Variants in NFYC observed in about 807,000 individuals in gnomAD.
The protein encoded by NFYC is CAAT box DNA-binding protein subunit C.
In NFYC, 25 loss-of-function variants were observed where a neutral mutation model predicts 53.1. The observed-to-expected ratio is 0.47, with a 90% CI of 0.34 to 0.66. The LOEUF (loss-of-function observed/expected upper bound fraction) is 0.66. NFYC is among the 30% of genes least tolerant of loss of function. NFYC has a pLI of 0.01. For synonymous variants in NFYC, 145 were observed against 152.6 expected (o/e 0.95, Z 0.37); for missense variants, 260 against 422.7 (o/e 0.62, Z 3.38).
At chr1:40,769,138 G>A (rs1646964366) in intron 8 of NFYC, 3 of 546,094 alleles carry the variant, frequency 5.5e-6, no homozygotes, top group Non-Finnish European at 1.0e-5. Flanking sequence ...TCTATTATGT[G>A]CTCCAGGATT....
intron 1 of NFYC, among the ~76,000 whole-genome samples, chr1:40,701,575 C>T (rs933467796): frequency 9.9e-5 from 15 of 152,222 alleles, no homozygotes; most frequent in Non-Finnish European, 2.2e-4. Flanking sequence ...CAGCCTAAAA[C>T]TTACGTAAGC....
At chr1:40,737,042 A>T (rs1645063776) in intron 1 of NFYC, among the ~76,000 whole-genome samples, 1 of 150,046 alleles carries the variant, frequency 6.7e-6, no homozygotes, top group South Asian at 2.1e-4. Flanking sequence ...CAGGAGAATC[A>T]CATGAACCTG....
chr1:40,747,980 C>T (rs138596086), intron 3 of NFYC, among the ~76,000 whole-genome samples: 3,875 of 151,800 alleles, frequency 0.026, 182 homozygotes, highest in African/African-American at 0.088. Context: ...GGATTACAGG[C>T]GCCCGCCACC....
intron 2 of NFYC, among the ~76,000 whole-genome samples, chr1:40,743,355 C>G (rs1162205164): frequency 6.6e-6 from 1 of 152,242 alleles, no homozygotes; most frequent in Non-Finnish European, 1.5e-5. Context: ...TATTCCCGCA[C>G]AGCAGAGCTC....
chr1:40,767,023 G>A (rs533940087), intron 8 of NFYC: 49 of 1,518,104 alleles, frequency 3.2e-5, no homozygotes, highest in South Asian at 7.2e-5. Flanking sequence ...TCGCCTGATC[G>A]TCAGGCTGTT....
chr1:40,692,139 GT>G (rs1444365055), intron 1 of NFYC: 1 of 192,566 alleles, frequency 5.2e-6, no homozygotes, highest in Non-Finnish European at 1.1e-5. Flanking sequence ...CTCGTGATTG[GT>G]CGGTGGCGGG....
intron 3 of NFYC, among the ~76,000 whole-genome samples, chr1:40,748,594 G>T (rs1645744360): frequency 6.6e-6 from 1 of 152,130 alleles, no homozygotes; most frequent in Non-Finnish European, 1.5e-5. Context: ...TGATCTATGA[G>T]TTTCTTTTAC....
At chr1:40,706,035 C>T (rs1339245037) in intron 1 of NFYC, among the ~76,000 whole-genome samples, 2 of 152,184 alleles carry the variant, frequency 1.3e-5, no homozygotes, top group Non-Finnish European at 2.9e-5. Flanking sequence ...TGTGAGCCAA[C>T]ACGCCTGGCC....
intron 1 of NFYC, among the ~76,000 whole-genome samples, chr1:40,696,176 A>T (rs1643133235): frequency 6.6e-6 from 1 of 151,954 alleles, no homozygotes; most frequent in Non-Finnish European, 1.5e-5. Flanking sequence ...GACGCCCGCC[A>T]CCATGCCTGG....
intron 1 of NFYC, among the ~76,000 whole-genome samples, chr1:40,737,892 GCTCT>G (rs1279491351): frequency 1.2e-4 from 17 of 138,522 alleles, no homozygotes; most frequent in African/African-American, 3.0e-4. Context: ...AACTTAGCGT[GCTCT>G]CTCTCTTTTT....
intron 1 of NFYC, 136 bp downstream of exon 1, chr1:40,692,003 C>A: frequency 3.7e-6 from 1 of 271,640 alleles, no homozygotes; most frequent in Non-Finnish European, 7.5e-6. Context: ...GTCCTGCCCG[C>A]CGCCATGTTG....
chr1:40,737,003 T>C (rs1217839590), intron 1 of NFYC, among the ~76,000 whole-genome samples: 2 of 151,566 alleles, frequency 1.3e-5, no homozygotes, highest in Non-Finnish European at 2.9e-5. Flanking sequence ...GGCAGATGCC[T>C]GTAATCCCAG....
At chr1:40,745,807 A>G (rs1645578678) in intron 2 of NFYC, among the ~76,000 whole-genome samples, 1 of 152,086 alleles carries the variant, frequency 6.6e-6, no homozygotes, top group Non-Finnish European at 1.5e-5. Flanking sequence ...GGGGATTATA[A>G]TGTTTTTATG....
chr1:40,734,206 T>C (rs1644909743), intron 1 of NFYC, among the ~76,000 whole-genome samples: 2 of 152,182 alleles, frequency 1.3e-5, no homozygotes, highest in Admixed American at 6.5e-5. Flanking sequence ...ATACATTCTT[T>C]CCCTTATTAT....
At position 40,758,186 on chromosome 1, in the gene NFYC, A is replaced by G. The variant is rs376620820; in HGVS notation, c.453A>G (p.Gln151=). 6.2e-7 allele frequency: 1 copy of G among 1,612,702 alleles called. No homozygotes were observed. Among genetic ancestry groups the G allele is most frequent in the Non-Finnish European group, 8.5e-7 (1 of 1,179,998 alleles). ...AGTACTATTTCACGCTGGCTCAGCA[A>G]CCCACCGCTGTCCAAGTCCAGGGCC... ...PVQYYFTLAQ[Q]PTAVQVQGQQ... Residue 151 remains glutamine (Q), a synonymous_variant, in exon 6 of 10, where the codon CAA becomes CAG. Transcript: ENST00000447388.
At chr1:40,724,749 A>G (rs1220091423) in intron 1 of NFYC, among the ~76,000 whole-genome samples, 13 of 152,170 alleles carry the variant, frequency 8.5e-5, no homozygotes, top group Admixed American at 8.5e-4. Context: ...CAACTATATT[A>G]TGATCTGGCC....
At chr1:40,744,305 C>CTA (rs573915329) in intron 2 of NFYC, among the ~76,000 whole-genome samples, 162 of 152,320 alleles carry the variant, frequency 1.1e-3, no homozygotes, top group Non-Finnish European at 1.6e-3. Flanking sequence ...GACCACTGTC[C>CTA]TAGAGTTCCT....
intron 1 of NFYC, among the ~76,000 whole-genome samples, chr1:40,703,028 G>C (rs1270006187): frequency 1.3e-5 from 2 of 151,864 alleles, no homozygotes; most frequent in Admixed American, 1.3e-4. Context: ...TGTTGGCCAG[G>C]CTGGTCTTGA....
At chr1:40,751,211 C>G (rs1156955732) in intron 4 of NFYC, among the ~76,000 whole-genome samples, 1 of 152,082 alleles carries the variant, frequency 6.6e-6, no homozygotes, top group Non-Finnish European at 1.5e-5. Context: ...AAGAAACAAA[C>G]CATTGCTCCA....
Sources: gnomAD v4.1 joint callset for allele counts (sites outside exome capture counted in the v4.1 genomes callset) on GRCh38, gnomAD v4.1.1 for gene constraint, MANE v1.5 for transcripts, NCBI Gene and HGNC (gene_info 2026-07-23, HGNC 2026-07-21) for gene names.